Variants in DOK3 observed in about 807,000 individuals in gnomAD.
The protein encoded by DOK3 is docking protein 3.
A neutral mutation model predicts 26.2 loss-of-function variants in DOK3; 23 were observed. The ratio of observed to expected loss-of-function variants is 0.88; its 90% CI spans 0.63 to 1.24. DOK3 has a LOEUF of 1.24. Among genes scored for constraint, DOK3 ranks in the 50% most tolerant of loss-of-function variants. The probability of loss-of-function intolerance (pLI) is 0.00; values close to 1 mark genes in which losing one functional copy is unlikely to be tolerated. For missense variants in DOK3, 619 were observed against 610.6 expected (o/e 1.01, Z -0.15); for synonymous variants, 268 against 268.2 (o/e 1.00, Z 0.01).
chr5:177,504,003 C>A lies in DOK3; in HGVS notation c.1303G>T (p.Ala435Ser). The A allele has an allele frequency of 2.6e-6, 4 of 1,557,134 alleles. No individual in the cohort carries two copies. The Admixed American group carries it at 5.7e-5, about 22-fold the overall frequency. ...GGCGTTCAGGGCCGGTCACAAGGGGCTGGGCCCTTCCTCCGCTCACGACTC... is the reference window on the plus strand; with the variant it reads ...GGCGTTCAGGGCCGGTCACAAGGGGATGGGCCCTTCCTCCGCTCACGACTC... ...LLSRERRKGP[A>S]PCDRP Residue 435 changes from alanine to serine, a missense_variant, in exon 6 of 6, where the codon GCC becomes TCC. By Grantham distance (99) the Ala-to-Ser change is moderately conservative. Coordinates refer to ENST00000510898, the MANE Select transcript of DOK3 (RefSeq NM_001308236.3).
chr5:177,509,014 C>G (rs1760622743), intron 2 of DOK3: 1 of 188,004 alleles, frequency 5.3e-6, no homozygotes, highest in Non-Finnish European at 1.1e-5. Context: ...TCTGCCTGGG[C>G]AGCAGCTGCA....
chr5:177,511,005 C>T (rs1305887169), upstream of DOK3: 1 of 152,366 alleles, frequency 6.6e-6, no homozygotes, highest in Non-Finnish European at 1.5e-5. Flanking sequence ...CTTTCTCTCC[C>T]CTCGCCTGAC....
At chr5:177,506,358 T>C (rs1403031210) in intron 3 of DOK3, among the ~76,000 whole-genome samples, 2 of 142,210 alleles carry the variant, frequency 1.4e-5, no homozygotes, top group Non-Finnish European at 3.0e-5. Flanking sequence ...TGAGACAAAG[T>C]CTTGCTCTGT....
rs1429759419 is a variant in DOK3, at chr5:177,503,142, C to T, written c.*841G>A. The stretch of plus-strand genomic sequence containing the variant: ...GCATGACGCTTGCGTGCGTGGCTGG[C>T]TCCTAGGATGGCGCCAGGAGCAGGA... On this transcript the variant is annotated 3_prime_UTR_variant, in exon 6 of 6. Transcript: ENST00000510898. 6.5e-7 allele frequency: 1 copy of T among 1,547,478 alleles called. No homozygotes were observed. The highest frequency in any genetic ancestry group is 1.2e-5 in the South Asian group (1 of 83,702).
At chr5:177,508,671 G>T in intron 2 of DOK3, 129 bp from the exon 3 acceptor site, 1 of 1,101,222 alleles carries the variant, frequency 9.1e-7, no homozygotes, top group Non-Finnish European at 1.2e-6. Context: ...TTCTCAGGGA[G>T]CCAGGTAAGG....
upstream of DOK3, chr5:177,510,102 C>G: frequency 1.6e-6 from 1 of 608,690 alleles, no homozygotes; most frequent in Non-Finnish European, 2.9e-6. Context: ...CCAGGGGCCA[C>G]TGCCCCACTG....
intron 2 of DOK3, chr5:177,508,767 T>C (rs1760579659): frequency 2.2e-6 from 1 of 457,194 alleles, no homozygotes; most frequent in Non-Finnish European, 3.9e-6. Flanking sequence ...CAAGCATCAA[T>C]GTCGTCTCTC....
At position 177,504,850 on chromosome 5, in the gene DOK3, C is replaced by T. The variant is rs753406142; in HGVS notation, c.538G>A (p.Ala180Thr). 9.3e-6 allele frequency: 15 copies of T among 1,610,996 alleles called. No individual in the cohort carries two copies. The African/African-American group carries it at 9.3e-5, about 10-fold the overall frequency. The change falls in exon 5 of 6, where the codon GCC becomes ACC. Residue 180 changes from alanine (A) to threonine (T), a missense_variant. Physicochemically the swap from Ala to Thr is moderately conservative, Grantham distance 58. Coordinates refer to ENST00000510898, the MANE Select transcript of DOK3 (RefSeq NM_001308236.3). ...AATRCQLKGP[A>T]LLVLGPDAIQ... ...GCGTCTGGGCCCAGCACCAGCAGGG[C>T]CGGCCCCTTCAGCTGGCAGCGGGTG...
chr5:177,504,544 C>A lies in DOK3; in HGVS notation c.762G>T (p.Gln254His). ...CRAVAGAIAR[Q>H]RERLPELTRP... ...TGGTCAGCTCTGGCAGCCGCTCCCG[C>A]TGGCGGGCGATGGCCCCGGCCACAG... Residue 254 changes from glutamine (Q) to histidine (H), a missense_variant, in exon 6 of 6, where the codon CAG (glutamine) becomes CAT (histidine). Physicochemically the swap from Gln to His is conservative, Grantham distance 24. Coordinates refer to ENST00000510898, the MANE Select transcript of DOK3 (RefSeq NM_001308236.3). The A allele has an allele frequency of 6.3e-7, 1 of 1,592,708 alleles. No homozygotes were observed. Among genetic ancestry groups the A allele is most frequent in the Non-Finnish European group, 8.5e-7 (1 of 1,172,278 alleles).
chr5:177,507,807 G>A (rs112343660), intron 3 of DOK3, among the ~76,000 whole-genome samples: 46 of 152,290 alleles, frequency 3.0e-4, no homozygotes, highest in African/African-American at 8.9e-4. Flanking sequence ...CATTTCAGCC[G>A]CTCTCCTAAG....
Position 177,503,750 on chromosome 5 carries a change from T to C in DOK3, c.*233A>G. 1.4e-6 allele frequency: 2 copies of C among 1,416,818 alleles called. No individual in the cohort carries two copies. The highest frequency in any genetic ancestry group is 1.8e-6 in the Non-Finnish European group (2 of 1,090,702). The allele number at this position is 1,416,818 out of a possible 1,614,324, so 87.8% of individuals were successfully genotyped here. ...CGCAATGAACGTGGGCAGGGGCGTGTGCCGTGAGTGCCCCTGCCGGGAGCT... is the reference window on the plus strand; with the variant it reads ...CGCAATGAACGTGGGCAGGGGCGTGCGCCGTGAGTGCCCCTGCCGGGAGCT... On this transcript the variant is annotated 3_prime_UTR_variant, in exon 6 of 6. Coordinates refer to ENST00000510898, the MANE Select transcript of DOK3 (RefSeq NM_001308236.3).
chr5:177,509,806 T>A lies in DOK3; in HGVS notation c.-166A>T. 6.2e-7 allele frequency: 1 copy of A among 1,611,720 alleles called. No individual in the cohort carries two copies. The highest frequency in any genetic ancestry group is 8.5e-7 in the Non-Finnish European group (1 of 1,179,946). Reference sequence around the variant, plus strand: ...GAAGGCAGCCTTCTCACGCACCTGGTTCAGCTGGGCACGCGCGTCTGATCG... The same window carrying A: ...GAAGGCAGCCTTCTCACGCACCTGGATCAGCTGGGCACGCGCGTCTGATCG... On this transcript the variant is annotated 5_prime_UTR_variant, in exon 1 of 6. Coordinates refer to ENST00000510898, the MANE Select transcript of DOK3 (RefSeq NM_001308236.3).
upstream of DOK3, chr5:177,510,880 G>T (rs1382827457): frequency 1.4e-5 from 2 of 141,632 alleles, no homozygotes; most frequent in East Asian, 4.3e-4. Context: ...AAAGTGCCTG[G>T]CTCAGAGGAA....
At chr5:177,505,343 A>G (rs1158889925) in intron 3 of DOK3, among the ~76,000 whole-genome samples, 1 of 152,048 alleles carries the variant, frequency 6.6e-6, no homozygotes, top group East Asian at 1.9e-4. Flanking sequence ...AGGGTGTCTG[A>G]GAGCTGCAGA....
Position 177,507,204 on chromosome 5 carries a change from A to G in DOK3, c.372+1033T>C, listed in dbSNP as rs149991223. ...TCTTCTTTTCTTTTTTTTTTTTGAGACAGGGTCTCACTATGTTGCCCAGGC... is the reference window on the plus strand; with the variant it reads ...TCTTCTTTTCTTTTTTTTTTTTGAGGCAGGGTCTCACTATGTTGCCCAGGC... On this transcript the variant is annotated intron_variant, in intron 3 of 5. Coordinates refer to ENST00000510898, the MANE Select transcript of DOK3 (RefSeq NM_001308236.3). 2.9e-3 allele frequency among the ~76,000 whole-genome samples: 426 copies of G among 148,476 alleles called. 4 individuals carry two copies. Among genetic ancestry groups the G allele is most frequent in the African/African-American group, 9.2e-3 (367 of 40,108 alleles).
Position 177,503,700 on chromosome 5 carries a change from ACCGG to A in DOK3, c.*279_*282del. 7.1e-7 allele frequency: 1 copy of A among 1,399,320 alleles called. No individual in the cohort carries two copies. Among genetic ancestry groups the A allele is most frequent in the Non-Finnish European group, 9.3e-7 (1 of 1,080,686 alleles). The allele number at this position is 1,399,320 out of a possible 1,614,324, so 86.7% of individuals were successfully genotyped here. On this transcript the variant is annotated 3_prime_UTR_variant, in exon 6 of 6. Coordinates refer to ENST00000510898, the MANE Select transcript of DOK3 (RefSeq NM_001308236.3). ...GGCCCAGGTCACCTGTGCCCCTGGA[ACCGG>A]CACAGGGTGCTTGTGTTGGCCGCAA...
At position 177,503,730 on chromosome 5, in the gene DOK3, T is replaced by A; in HGVS notation, c.*253A>T. 7.1e-7 allele frequency: 1 copy of A among 1,406,072 alleles called. No individual in the cohort carries two copies. Among genetic ancestry groups the A allele is most frequent in the South Asian group, 1.6e-5 (1 of 62,346 alleles). The allele number at this position is 1,406,072 out of a possible 1,614,324, so 87.1% of individuals were successfully genotyped here. ...CACAGGGTGCTTGTGTTGGCCGCAA[T>A]GAACGTGGGCAGGGGCGTGTGCCGT... is the stretch of plus-strand genomic sequence containing the variant. On this transcript the variant is annotated 3_prime_UTR_variant, in exon 6 of 6. Coordinates refer to ENST00000510898, the MANE Select transcript of DOK3 (RefSeq NM_001308236.3).
intron 3 of DOK3, among the ~76,000 whole-genome samples, chr5:177,505,924 G>C (rs1581784968): frequency 6.6e-6 from 1 of 151,940 alleles, no homozygotes; most frequent in African/African-American, 2.4e-5. Flanking sequence ...ATTTTTAGTA[G>C]AGATGGGGTT....
chr5:177,506,421 C>T (rs1760168024), intron 3 of DOK3, among the ~76,000 whole-genome samples: 1 of 150,732 alleles, frequency 6.6e-6, no homozygotes, highest in African/African-American at 2.4e-5. Context: ...ACCTCTGCCT[C>T]CCAGACTCAA....
Sources: gnomAD v4.1 joint callset for allele counts (sites outside exome capture counted in the v4.1 genomes callset) on GRCh38, gnomAD v4.1.1 for gene constraint, MANE v1.5 for transcripts, NCBI Gene and HGNC (gene_info 2026-07-23, HGNC 2026-07-21) for gene names.